The following LINGO2 variants were observed in gnomAD, a reference collection of about 807,000 sequenced individuals.
LINGO2 encodes the protein leucine-rich repeat and immunoglobulin-like domain-containing nogo receptor-interacting protein 2.
Under a neutral mutation model 30.6 loss-of-function variants are expected in LINGO2, and 14 were observed. The observed-to-expected ratio is 0.46, with a 90% CI of 0.30 to 0.72. The LOEUF is 0.72. Among genes scored for constraint, LINGO2 ranks in the 30% least tolerant of loss-of-function variants. The pLI, the probability that LINGO2 is intolerant of heterozygous loss-of-function variation, is 0.07. For missense variants in LINGO2, 729 were observed against 751.7 expected, an observed-to-expected ratio of 0.97 and a Z score of 0.35; for synonymous variants, 317 against 288.5, an observed-to-expected ratio of 1.10 and a Z score of -1.00.
At chr9:29,005,466 T>C in the LINGO2 span, among the ~76,000 whole-genome samples, 3 of 152,056 alleles carry the variant, frequency 2.0e-5, no homozygotes, top group African/African-American at 7.2e-5. Flanking sequence ...TTATACAAAG[T>C]GGTGCGGTAT....
chr9:28,955,058 A>T, the LINGO2 span, among the ~76,000 whole-genome samples: 1 of 152,078 alleles, frequency 6.6e-6, no homozygotes, highest in South Asian at 2.1e-4. Context: ...GACACAGAAG[A>T]CCCATGAAGT....
chr9:28,316,351 A>G (rs1331905557), intron 3 of LINGO2, among the ~76,000 whole-genome samples: 1 of 152,144 alleles, frequency 6.6e-6, no homozygotes, highest in Non-Finnish European at 1.5e-5. Flanking sequence ...AGATAAGGCA[A>G]TATGTTTTAT....
At chr9:27,994,615 G>T (rs886410653) in intron 5 of LINGO2, among the ~76,000 whole-genome samples, 5 of 152,144 alleles carry the variant, frequency 3.3e-5, no homozygotes, top group Admixed American at 2.6e-4. Flanking sequence ...CTGTCAGAAC[G>T]TAGTTCGATG....
the LINGO2 span, among the ~76,000 whole-genome samples, chr9:28,712,431 G>A: frequency 2.7e-5 from 4 of 150,694 alleles, no homozygotes; most frequent in Admixed American, 6.7e-5. Flanking sequence ...CAAGCCTAGG[G>A]TTCTTTGGAT....
At chr9:28,350,644 GCGGA>G (rs1819830089) in intron 3 of LINGO2, among the ~76,000 whole-genome samples, 1 of 151,514 alleles carries the variant, frequency 6.6e-6, no homozygotes, top group African/African-American at 2.4e-5. Flanking sequence ...TCTGCACCAA[GCGGA>G]CCTAATAGGC....
intron 4 of LINGO2, among the ~76,000 whole-genome samples, chr9:28,280,628 A>G (rs543689740): frequency 2.6e-5 from 4 of 152,232 alleles, no homozygotes; most frequent in Non-Finnish European, 5.9e-5. Context: ...GAGGTAAAAC[A>G]TCTGGAAGTT....
chr9:28,537,144 G>A (rs982701840), intron 1 of LINGO2, among the ~76,000 whole-genome samples: 5 of 152,068 alleles, frequency 3.3e-5, no homozygotes, highest in African/African-American at 7.2e-5. Context: ...CAGAAGGTAC[G>A]AAAGAAGCAT....
chr9:28,127,067 G>C (rs1827256292), intron 4 of LINGO2, among the ~76,000 whole-genome samples: 1 of 151,050 alleles, frequency 6.6e-6, no homozygotes, highest in Non-Finnish European at 1.5e-5. Context: ...AAGTCCCTTA[G>C]GTATTAGGTA....
At chr9:28,512,976 C>T (rs1820472475) in intron 1 of LINGO2, among the ~76,000 whole-genome samples, 1 of 151,732 alleles carries the variant, frequency 6.6e-6, no homozygotes, top group Admixed American at 6.6e-5. Context: ...TTCCACAGCC[C>T]ACTGACTCAA....
chr9:28,235,785 A>G (rs796493296), intron 4 of LINGO2, among the ~76,000 whole-genome samples: 14 of 152,322 alleles, frequency 9.2e-5, no homozygotes, highest in African/African-American at 3.4e-4. Flanking sequence ...GAAATTGCAC[A>G]GTCAGAGGAG....
the LINGO2 span, among the ~76,000 whole-genome samples, chr9:28,801,710 A>T: frequency 6.6e-6 from 1 of 152,068 alleles, no homozygotes; most frequent in African/African-American, 2.4e-5. Context: ...TCATTTGCTC[A>T]GTTAATTGAA....
intron 4 of LINGO2, among the ~76,000 whole-genome samples, chr9:28,023,883 G>A (rs757711703): frequency 5.3e-5 from 8 of 152,076 alleles, no homozygotes; most frequent in East Asian, 1.9e-4. Flanking sequence ...TCCATACTCA[G>A]CCTCCAACAA....
chr9:28,502,959 C>A (rs1177853724), intron 1 of LINGO2, among the ~76,000 whole-genome samples: 2 of 152,060 alleles, frequency 1.3e-5, no homozygotes, highest in African/African-American at 4.8e-5. Context: ...AGGCCAAAGA[C>A]AATCAATAGC....
intron 3 of LINGO2, among the ~76,000 whole-genome samples, chr9:28,306,948 A>T (rs1215837746): frequency 3.3e-5 from 5 of 152,130 alleles, no homozygotes; most frequent in Non-Finnish European, 7.3e-5. Flanking sequence ...TAGCTTACCA[A>T]CCAAAAAGAG....
chr9:28,792,643 T>C, the LINGO2 span, among the ~76,000 whole-genome samples: 2 of 152,154 alleles, frequency 1.3e-5, no homozygotes, highest in African/African-American at 2.4e-5. Context: ...CATATAAATA[T>C]GTGACAATAA....
chr9:27,980,487 A>G (rs1178385953), intron 5 of LINGO2, among the ~76,000 whole-genome samples: 2 of 151,934 alleles, frequency 1.3e-5, no homozygotes, highest in African/African-American at 4.8e-5. Flanking sequence ...AGGAGGCAGA[A>G]TATATTGCTA....
intron 2 of LINGO2, among the ~76,000 whole-genome samples, chr9:28,453,912 T>C (rs1824745546): frequency 6.6e-6 from 1 of 152,008 alleles, no homozygotes; most frequent in South Asian, 2.1e-4. Flanking sequence ...AGATATTGCA[T>C]ATGAATACTG....
chr9:28,814,195 T>C, the LINGO2 span, among the ~76,000 whole-genome samples: 1 of 152,162 alleles, frequency 6.6e-6, no homozygotes, highest in African/African-American at 2.4e-5. Flanking sequence ...TCTCAGAACT[T>C]TGGGAGGCCA....
intron 3 of LINGO2, among the ~76,000 whole-genome samples, chr9:28,365,976 C>T (rs1564152860): frequency 1.3e-5 from 2 of 152,060 alleles, no homozygotes; most frequent in Admixed American, 6.6e-5. Flanking sequence ...CCCAGGGGAG[C>T]TGCATTGCTT....
Sources: allele counts gnomAD v4.1 joint callset (sites outside exome capture counted in the v4.1 genomes callset), GRCh38; gene constraint gnomAD v4.1.1; transcripts MANE v1.5; gene names NCBI Gene and HGNC (gene_info 2026-07-23, HGNC 2026-07-21).